Variants in UHRF1 observed in about 807,000 individuals in gnomAD.
The protein encoded by UHRF1 is ubiquitin like with PHD and ring finger domains 1.
A neutral mutation model predicts 96.5 loss-of-function variants in UHRF1; 9 were observed. The ratio of observed to expected loss-of-function variants is 0.09; its 90% CI spans 0.06 to 0.16. The LOEUF (loss-of-function observed/expected upper bound fraction) is 0.16. UHRF1 is among the 10% of genes least tolerant of loss of function. The pLI, the probability that UHRF1 is intolerant of heterozygous loss-of-function variation, is 1.00. For synonymous variants in UHRF1, 455 were observed against 469.9 expected, an observed-to-expected ratio of 0.97 and a Z score of 0.41; for missense variants, 626 against 1,131.1, an observed-to-expected ratio of 0.55 and a Z score of 6.40.
In UHRF1 at chr19:4,950,847, C is replaced by T. The variant is rs17881158; in HGVS notation, c.1681-12C>T. 1,629 of 1,613,916 alleles carry T rather than the reference C, an allele frequency of 1.0e-3. 14 individuals are homozygous for T. The East Asian group carries it at 0.021, about 20-fold the overall frequency. On this transcript the variant is annotated splice_polypyrimidine_tract_variant and intron_variant, in intron 12 of 16. Coordinates refer to ENST00000650932, the MANE Select transcript of UHRF1 (RefSeq NM_001048201.3). ...CTCTGATGGAGCTGACGCTGATGCC[C>T]GCTCTCTGCAGGTTGTGAAATACTG... is the stretch of plus-strand genomic sequence containing the variant.
chr19:4,927,898 G>A (rs1026442300), intron 2 of UHRF1, among the ~76,000 whole-genome samples: 1 of 152,220 alleles, frequency 6.6e-6, no homozygotes, highest in South Asian at 2.1e-4. Flanking sequence ...ACCAGGCACG[G>A]GATAAACTCC....
At chr19:4,913,412 C>G (rs2032363355) in intron 2 of UHRF1, among the ~76,000 whole-genome samples, 1 of 152,062 alleles carries the variant, frequency 6.6e-6, no homozygotes, top group African/African-American at 2.4e-5. Context: ...CACCACCACG[C>G]CTGATTAATT....
upstream of UHRF1, among the ~76,000 whole-genome samples, chr19:4,908,763 T>C (rs2032131135): frequency 6.6e-6 from 1 of 152,096 alleles, no homozygotes; most frequent in South Asian, 2.1e-4. Flanking sequence ...CTCCCCCAGA[T>C]AGGAATTTTC....
At chr19:4,960,591 A>T in intron 16 of UHRF1, 66 bp from the exon 17 acceptor site, 1 of 1,575,030 alleles carries the variant, frequency 6.3e-7, no homozygotes, top group Non-Finnish European at 8.6e-7. Flanking sequence ...CAGTCCTGGG[A>T]GAGGTGGCCA....
chr19:4,937,894 T>C (rs564617708), intron 5 of UHRF1, among the ~76,000 whole-genome samples: 78 of 152,276 alleles, frequency 5.1e-4, no homozygotes, highest in African/African-American at 1.8e-3. Flanking sequence ...CCGATGCCTG[T>C]AATTTCAGCA....
In UHRF1 at chr19:4,954,607, T is replaced by C; in HGVS notation, c.1958-43T>C. The C allele has an allele frequency of 6.2e-7, 1 of 1,601,924 alleles. No individual in the cohort carries two copies. The highest frequency in any genetic ancestry group is 1.7e-5 in the Admixed American group (1 of 58,320). ...AGCCGGTGGCTGTCTCTCCGGCAGC[T>C]CGGGCCACGCGCCCCTCCCTCACGC... On this transcript the variant is annotated intron_variant, in intron 14 of 16. Coordinates refer to ENST00000650932, the MANE Select transcript of UHRF1 (RefSeq NM_001048201.3). This position sits in a 1 kb window ranked among gnomAD's most constrained non-coding sequence, Gnocchi z 5.9.
chr19:4,919,094 G>C (rs923771788), intron 2 of UHRF1, among the ~76,000 whole-genome samples: 2 of 146,698 alleles, frequency 1.4e-5, no homozygotes, highest in African/African-American at 5.1e-5. Flanking sequence ...GCGCGATCTC[G>C]ACTCACTGCA....
intron 16 of UHRF1, among the ~76,000 whole-genome samples, chr19:4,958,035 C>G (rs2033903463): frequency 6.6e-6 from 1 of 152,242 alleles, no homozygotes; most frequent in Non-Finnish European, 1.5e-5. Flanking sequence ...ACCCCCGGGT[C>G]TCAGACCCCG....
chr19:4,930,957 T>G lies in UHRF1; in HGVS notation c.569+81T>G. The stretch of plus-strand genomic sequence containing the variant: ...TGGCTGCGGGTGTTCAGGCCAGAGC[T>G]TGGCACTGTCTCGAGATGGTGATCA... On this transcript the variant is annotated intron_variant, in intron 4 of 16. Coordinates refer to ENST00000650932, the MANE Select transcript of UHRF1 (RefSeq NM_001048201.3). The surrounding 1 kb of genome is among the most constrained non-coding windows in gnomAD (Gnocchi z 4.4). 1 of 1,565,780 alleles carries G rather than the reference T, an allele frequency of 6.4e-7. No homozygotes were observed. The highest frequency in any genetic ancestry group is 1.2e-5 in the South Asian group (1 of 86,280).
intron 5 of UHRF1, among the ~76,000 whole-genome samples, chr19:4,934,444 C>A (rs1024202743): frequency 6.6e-6 from 1 of 152,178 alleles, no homozygotes; most frequent in African/African-American, 2.4e-5. Context: ...AACTGAAACT[C>A]TGACTCCATG....
chr19:4,936,713 G>A (rs1456752882), intron 5 of UHRF1, among the ~76,000 whole-genome samples: 3 of 151,848 alleles, frequency 2.0e-5, no homozygotes, highest in African/African-American at 7.3e-5. Flanking sequence ...AGGCTGAGGT[G>A]GGAGGATCGC....
chr19:4,948,189 G>C (rs1468557392), intron 11 of UHRF1, among the ~76,000 whole-genome samples: 4 of 151,010 alleles, frequency 2.6e-5, no homozygotes, highest in Non-Finnish European at 5.9e-5. Context: ...TTCAGCTCTT[G>C]TGTCGTAGCA....
intron 2 of UHRF1, among the ~76,000 whole-genome samples, chr19:4,922,929 G>A (rs752027493): frequency 1.6e-4 from 24 of 152,328 alleles, no homozygotes; most frequent in South Asian, 6.2e-4. Context: ...GGGAAGGGCC[G>A]AAGTCATGGA....
intron 5 of UHRF1, among the ~76,000 whole-genome samples, chr19:4,938,001 A>C (rs1444054416): frequency 2.0e-5 from 3 of 152,122 alleles, no homozygotes; most frequent in Non-Finnish European, 4.4e-5. Context: ...TAAAAATACA[A>C]AAATTAGCTG....
intron 7 of UHRF1, among the ~76,000 whole-genome samples, chr19:4,943,658 C>CT (rs72107646): frequency 0.027 from 4,078 of 149,436 alleles, 185 homozygotes; most frequent in African/African-American, 0.093. Flanking sequence ...AACCTGCTTT[C>CT]TTTTTTTTTT....
intron 2 of UHRF1, among the ~76,000 whole-genome samples, chr19:4,921,017 G>A (rs1229628801): frequency 6.6e-6 from 1 of 152,074 alleles, no homozygotes; most frequent in Non-Finnish European, 1.5e-5. Context: ...CCAGCTACTC[G>A]GGAGGCTGAG....
chr19:4,941,926 C>G lies in UHRF1; in HGVS notation c.1068C>G (p.Asp356Glu). The change falls in exon 7 of 17, where the codon GAC becomes GAG. Residue 356 changes from aspartate (D) to glutamate (E), a missense_variant. Physicochemically the swap from Asp to Glu is conservative, Grantham distance 45. Coordinates refer to ENST00000650932, the MANE Select transcript of UHRF1 (RefSeq NM_001048201.3). ...DPPLSSVPSE[D>E]EWYCPECRND... ...CCCTCAGCAGTGTTCCCAGCGAGGA[C>G]GAGTGGTGAGTGCGGCCCTGCCCGC... 1 of 1,513,446 alleles carries G rather than the reference C, an allele frequency of 6.6e-7. No homozygotes were observed. The highest frequency in any genetic ancestry group is 8.8e-7 in the Non-Finnish European group (1 of 1,130,140). 93.8% of individuals were successfully genotyped at this position (1,513,446 alleles called of 1,614,324 possible). A position where few individuals can be genotyped will look rare whatever the true frequency, so the allele number is the denominator to read the frequency against.
At position 4,909,505 on chromosome 19, in the gene UHRF1, C is replaced by A; in HGVS notation, c.-161C>A. 3.0e-6 allele frequency: 2 copies of A among 657,438 alleles called. No homozygotes were observed. Among genetic ancestry groups the A allele is most frequent in the South Asian group, 3.1e-5 (2 of 63,526 alleles). 40.7% of individuals were successfully genotyped at this position (657,438 alleles called of 1,614,324 possible). ...AGTTTTCGCGGGAAAAAAATCAGAG[C>A]AGCTGGCAGCGCGGCGGGCAGCGTT... is the stretch of plus-strand genomic sequence containing the variant. On this transcript the variant is annotated 5_prime_UTR_variant, in exon 1 of 17. Transcript: ENST00000650932.
rs576450654 is a variant in UHRF1, at chr19:4,954,016, C to T, written c.1819-334C>T. Among the ~76,000 whole-genome samples the T allele has an allele frequency of 6.0e-4, 91 of 152,230 alleles. 1 individual carries two copies. The highest frequency in any genetic ancestry group is 2.0e-3 in the African/African-American group (84 of 41,552). ...CCTGTGGGACGATGCAATGTTTCAT[C>T]ATGCAGTGTGCGTGATGTGAGGTGG... On this transcript the variant is annotated intron_variant, in intron 13 of 16. Coordinates refer to ENST00000650932, the MANE Select transcript of UHRF1 (RefSeq NM_001048201.3). This position sits in a 1 kb window ranked among gnomAD's most constrained non-coding sequence, Gnocchi z 5.9.
Sources: allele counts gnomAD v4.1 joint callset (sites outside exome capture counted in the v4.1 genomes callset), GRCh38; gene constraint gnomAD v4.1.1; non-coding constraint Gnocchi (gnomAD v3.1); transcripts MANE v1.5; gene names NCBI Gene and HGNC (gene_info 2026-07-23, HGNC 2026-07-21).